KCTD8: variants seen among roughly 807,000 people sequenced by gnomAD.
KCTD8 encodes the protein potassium channel tetramerization domain containing 8.
In KCTD8, 27 loss-of-function variants were observed where a neutral mutation model predicts 31.5. That is an observed-to-expected ratio of 0.86 (90% CI 0.63 to 1.18). The LOEUF is 1.18. Among genes scored for constraint, KCTD8 ranks in the 50% most tolerant of loss-of-function variants. The probability of loss-of-function intolerance (pLI) is 0.00; values close to 1 mark genes in which losing one functional copy is unlikely to be tolerated. For synonymous variants in KCTD8, 290 were observed against 280.0 expected (o/e 1.04, Z -0.36); for missense variants, 658 against 647.7 (o/e 1.02, Z -0.17).
chr4:44,197,271 C>T (rs1341834345), intron 1 of KCTD8, among the ~76,000 whole-genome samples: 1 of 152,132 alleles, frequency 6.6e-6, no homozygotes, highest in Non-Finnish European at 1.5e-5. Context: ...CCTCCCTCCA[C>T]AGGGCAAGTC....
chr4:44,374,244 C>T (rs1160516031), intron 1 of KCTD8, among the ~76,000 whole-genome samples: 1 of 152,194 alleles, frequency 6.6e-6, no homozygotes, highest in Non-Finnish European at 1.5e-5. Context: ...AAAGGACAAT[C>T]AAGCTGCAGA....
chr4:44,428,387 G>A (rs1270649530), intron 1 of KCTD8, among the ~76,000 whole-genome samples: 1 of 151,650 alleles, frequency 6.6e-6, no homozygotes, highest in Non-Finnish European at 1.5e-5. Flanking sequence ...GAAAAGAGAA[G>A]TGGCGTAGAA....
chr4:44,403,640 C>T (rs1720718656), intron 1 of KCTD8, among the ~76,000 whole-genome samples: 1 of 151,892 alleles, frequency 6.6e-6, no homozygotes, highest in South Asian at 2.1e-4. Flanking sequence ...TTCCTAATTT[C>T]CTCTTATAAT....
intron 1 of KCTD8, among the ~76,000 whole-genome samples, chr4:44,365,146 A>G (rs992294503): frequency 7.9e-5 from 12 of 152,184 alleles, no homozygotes; most frequent in Non-Finnish European, 1.3e-4. Flanking sequence ...TATTAATAAC[A>G]TGGAAAACTG....
chr4:44,429,934 T>C (rs1210585529), intron 1 of KCTD8, among the ~76,000 whole-genome samples: 1 of 151,596 alleles, frequency 6.6e-6, no homozygotes, highest in African/African-American at 2.4e-5. Context: ...AGCAGGAAGA[T>C]TAATAAATTG....
At chr4:44,427,387 T>C (rs1354854485) in intron 1 of KCTD8, among the ~76,000 whole-genome samples, 3 of 150,260 alleles carry the variant, frequency 2.0e-5, no homozygotes, top group Non-Finnish European at 4.5e-5. Context: ...GCAAGTTCTA[T>C]AAAGAAAAAA....
At chr4:44,418,282 G>C in intron 1 of KCTD8, among the ~76,000 whole-genome samples, 1 of 152,156 alleles carries the variant, frequency 6.6e-6, no homozygotes, top group East Asian at 1.9e-4. Flanking sequence ...TATAGAAAGT[G>C]ATTAGACAGA....
At chr4:44,201,995 T>C (rs903961699) in intron 1 of KCTD8, among the ~76,000 whole-genome samples, 1 of 152,028 alleles carries the variant, frequency 6.6e-6, no homozygotes, top group Non-Finnish European at 1.5e-5. Flanking sequence ...CATGAACACA[T>C]ACTTCTGGAA....
intron 1 of KCTD8, among the ~76,000 whole-genome samples, chr4:44,175,576 T>C (rs1713190224): frequency 6.6e-6 from 1 of 152,168 alleles, no homozygotes; most frequent in Non-Finnish European, 1.5e-5. Context: ...GTTCCTGGAA[T>C]ATAAAAAAAA....
intron 1 of KCTD8, among the ~76,000 whole-genome samples, chr4:44,246,620 T>C (rs1329389983): frequency 6.6e-6 from 1 of 152,062 alleles, no homozygotes; most frequent in African/African-American, 2.4e-5. Flanking sequence ...CTTTCTCAAT[T>C]TTCCTTTATA....
chr4:44,289,998 G>A lies in KCTD8; in HGVS notation c.962-114748C>T, dbSNP rs534614641. 2.1e-4 allele frequency among the ~76,000 whole-genome samples: 32 copies of A among 152,072 alleles called. No individual in the cohort carries two copies. In the South Asian group the frequency reaches 3.3e-3, roughly 16 times the overall value. On this transcript the variant is annotated intron_variant, in intron 1 of 1. Coordinates refer to ENST00000360029, the MANE Select transcript of KCTD8 (RefSeq NM_198353.3). Reference sequence around the variant, plus strand: ...CCTGAAAGTAAATGGTCCAAATGCCGCAATAAAAAGGCATAGAGTGGGAAG... The same window carrying A: ...CCTGAAAGTAAATGGTCCAAATGCCACAATAAAAAGGCATAGAGTGGGAAG...
intron 1 of KCTD8, among the ~76,000 whole-genome samples, chr4:44,319,437 T>A (rs1718230422): frequency 6.6e-6 from 1 of 150,928 alleles, no homozygotes; most frequent in Admixed American, 6.6e-5. Flanking sequence ...AAGTAGAGGA[T>A]TTAGGGACTG....
chr4:44,175,430 T>C (rs926917780), intron 1 of KCTD8, among the ~76,000 whole-genome samples, 180 bp from the exon 2 acceptor site: 1 of 152,226 alleles, frequency 6.6e-6, no homozygotes, highest in African/African-American at 2.4e-5. Context: ...GTCTTTAGTG[T>C]ACATTGAAAG....
At chr4:44,412,494 T>C (rs1156909712) in intron 1 of KCTD8, among the ~76,000 whole-genome samples, 2 of 152,136 alleles carry the variant, frequency 1.3e-5, no homozygotes, top group South Asian at 2.1e-4. Flanking sequence ...TTCTCCAATA[T>C]GGGAAAAATG....
intron 1 of KCTD8, among the ~76,000 whole-genome samples, chr4:44,301,894 A>C (rs186329340): frequency 6.6e-6 from 1 of 152,168 alleles, no homozygotes; most frequent in Non-Finnish European, 1.5e-5. Flanking sequence ...TAATTTTTGT[A>C]TAAGGTGTAA....
chr4:44,405,462 T>C (rs745794971), intron 1 of KCTD8, among the ~76,000 whole-genome samples: 1 of 152,118 alleles, frequency 6.6e-6, no homozygotes, highest in Non-Finnish European at 1.5e-5. Context: ...TTTCACCATG[T>C]TGGCCAGAAT....
At chr4:44,374,566 A>G (rs6838059) in intron 1 of KCTD8, among the ~76,000 whole-genome samples, 124,117 of 152,060 alleles carry the variant, frequency 0.82, 50,895 homozygotes, top group South Asian at 0.89. Flanking sequence ...ATAGCTTTTG[A>G]TCTGTCTTGG....
chr4:44,220,172 T>C (rs1023110000), intron 1 of KCTD8, among the ~76,000 whole-genome samples: 2 of 151,998 alleles, frequency 1.3e-5, no homozygotes, highest in East Asian at 3.9e-4. Flanking sequence ...TACAGAAAAA[T>C]GGGATAGCTC....
At chr4:44,250,528 C>T (rs1715797352) in intron 1 of KCTD8, among the ~76,000 whole-genome samples, 1 of 151,764 alleles carries the variant, frequency 6.6e-6, no homozygotes. Flanking sequence ...GTTCAGGTCA[C>T]TCAGGTAGTC....
Sources: allele counts gnomAD v4.1 joint callset (sites outside exome capture counted in the v4.1 genomes callset), GRCh38; gene constraint gnomAD v4.1.1; transcripts MANE v1.5; gene names NCBI Gene and HGNC (gene_info 2026-07-23, HGNC 2026-07-21).